Variants in NAALADL1 observed in about 807,000 individuals in gnomAD.
NAALADL1 encodes N-acetylated alpha-linked acidic dipeptidase like 1.
NAALADL1 carries 77 observed loss-of-function variants against 82.8 expected under a neutral mutation model. That is an observed-to-expected ratio of 0.93 (90% CI 0.77 to 1.12). NAALADL1 has a LOEUF of 1.12. Among genes scored for constraint, NAALADL1 ranks in the 50% most tolerant of loss-of-function variants. The probability of loss-of-function intolerance (pLI) is 0.00; values close to 1 mark genes in which losing one functional copy is unlikely to be tolerated. For missense variants in NAALADL1, 956 were observed against 964.0 expected, an observed-to-expected ratio of 0.99 and a Z score of 0.11; for synonymous variants, 358 against 399.2, an observed-to-expected ratio of 0.90 and a Z score of 1.23.
chr11:65,047,813 C>T, intron 11 of NAALADL1, 75 bp from the exon 12 acceptor site: 3 of 1,498,626 alleles, frequency 2.0e-6, no homozygotes, highest in Non-Finnish European at 1.8e-6. Context: ...CTCCACCGGT[C>T]TCCTGCCCAC....
intron 8 of NAALADL1, 138 bp from the exon 9 acceptor site, chr11:65,048,523 G>T: frequency 1.1e-6 from 1 of 924,752 alleles, no homozygotes; most frequent in Non-Finnish European, 1.7e-6. Flanking sequence ...GCACCCTGCA[G>T]CCAGGCCTTC....
At chr11:65,045,762 T>G (rs1590753522) in intron 17 of NAALADL1, 60 bp downstream of exon 17, 1 of 1,503,062 alleles carries the variant, frequency 6.7e-7, no homozygotes. Context: ...TCGTCTCAGG[T>G]GGGGAGCCAT....
Position 65,058,168 on chromosome 11 carries a change from G to A in NAALADL1, c.268C>T (p.Pro90Ser), listed in dbSNP as rs762197457. 1 of 1,613,948 alleles carries A rather than the reference G, an allele frequency of 6.2e-7. No homozygotes were observed. The highest frequency in any genetic ancestry group is 8.5e-7 in the Non-Finnish European group (1 of 1,179,962). Residue 90 changes from proline to serine, a missense_variant, in exon 2 of 18, where the codon CCA (proline) becomes TCA (serine). Pro to Ser is a moderately conservative substitution (Grantham distance 74, BLOSUM62 -1). Coordinates refer to ENST00000358658, the MANE Select transcript of NAALADL1 (RefSeq NM_005468.3). ...VQLLLQRWKD[P>S]ESGLDSAEAS... ...TCGGCCGAGTCCAGGCCTGACTCTGGGTCCTTCCAGCGCTGCAGCAGCAGC... is the reference window on the plus strand; with the variant it reads ...TCGGCCGAGTCCAGGCCTGACTCTGAGTCCTTCCAGCGCTGCAGCAGCAGC...
intron 8 of NAALADL1, among the ~76,000 whole-genome samples, chr11:65,049,220 C>T (rs1443419489): frequency 1.3e-5 from 2 of 152,240 alleles, no homozygotes; most frequent in East Asian, 3.9e-4. Flanking sequence ...GGGGTTTGTC[C>T]ATGTTGCCCA....
At chr11:65,058,036 C>T (rs777753735) in intron 2 of NAALADL1, 40 bp from the exon 3 acceptor site, 5 of 1,613,264 alleles carry the variant, frequency 3.1e-6, no homozygotes, top group Non-Finnish European at 4.2e-6. Context: ...GGCCCAGCAG[C>T]TCCCCACCCC....
chr11:65,046,983 C>G (rs1412153199), intron 13 of NAALADL1, among the ~76,000 whole-genome samples: 1 of 151,394 alleles, frequency 6.6e-6, no homozygotes, highest in African/African-American at 2.4e-5. Context: ...CCCTCCCACC[C>G]CCGCCCCTAC....
chr11:65,050,600 G>C lies in NAALADL1; in HGVS notation c.1199-2215C>G, dbSNP rs1946860583. Among the ~76,000 whole-genome samples, 3 of 151,130 alleles carry C rather than the reference G, an allele frequency of 2.0e-5. No homozygotes were observed. The South Asian group carries it at 6.3e-4, about 32-fold the overall frequency. On this transcript the variant is annotated intron_variant, in intron 8 of 17. Transcript: ENST00000358658. ...AGGTCAGGAGTTCGACACCAGCCTG[G>C]CCAACACGGTAAAACCCCATCTCTA...
At chr11:65,055,943 T>C (rs1050018581) in intron 4 of NAALADL1, among the ~76,000 whole-genome samples, 4 of 149,652 alleles carry the variant, frequency 2.7e-5, no homozygotes, top group African/African-American at 9.9e-5. Context: ...TGGAGTGCAA[T>C]GGCATGATCT....
intron 4 of NAALADL1, among the ~76,000 whole-genome samples, chr11:65,056,160 C>T (rs763517465): frequency 2.6e-5 from 4 of 152,094 alleles, no homozygotes; most frequent in Non-Finnish European, 5.9e-5. Flanking sequence ...GCTGGGATTA[C>T]AGGCATGAGC....
At chr11:65,048,529 C>T in intron 8 of NAALADL1, 144 bp from the exon 9 acceptor site, 3 of 874,504 alleles carry the variant, frequency 3.4e-6, no homozygotes, top group Non-Finnish European at 5.3e-6. Flanking sequence ...TGCAGCCAGG[C>T]CTTCCAGGAG....
chr11:65,054,211 G>A lies in NAALADL1; in HGVS notation c.992+39C>T, dbSNP rs756212917. 6.4e-7 allele frequency: 1 copy of A among 1,552,354 alleles called. No individual in the cohort carries two copies. The highest frequency in any genetic ancestry group is 1.4e-5 in the African/African-American group (1 of 73,526). The stretch of plus-strand genomic sequence containing the variant: ...GGAAGGGGAGAGGCGAGTTGGGGGA[G>A]AGGGCAACTGAGGGAGACCTGGTCT... On this transcript the variant is annotated intron_variant, in intron 6 of 17. Transcript: ENST00000358658. This position sits in a 1 kb window ranked among gnomAD's most constrained non-coding sequence, Gnocchi z 4.3.
At chr11:65,048,666 C>T (rs1018896909) in intron 8 of NAALADL1, among the ~76,000 whole-genome samples, 3 of 152,184 alleles carry the variant, frequency 2.0e-5, no homozygotes, top group African/African-American at 4.8e-5. Context: ...ACCCTCCACC[C>T]TCAACCCCCG....
rs758878384 is a variant in NAALADL1, at chr11:65,057,897, T to C, written c.458A>G (p.Tyr153Cys). The change falls in exon 3 of 18, where the codon TAT becomes TGT. Residue 153 changes from tyrosine (Y) to cysteine (C), a missense_variant. By Grantham distance (194) the Tyr-to-Cys change is radical. Coordinates refer to ENST00000358658, the MANE Select transcript of NAALADL1 (RefSeq NM_005468.3). ...GPDVVQPYAA[Y>C]APSGTPQGLL... is the part of the protein sequence containing the mutation. ...CACCTGTGGGGTTCCAGAAGGAGCA[T>C]AGGCAGCATAGGGTTGTACCACATC... 34 of 1,613,922 alleles carry C rather than the reference T, an allele frequency of 2.1e-5. No homozygotes were observed. The East Asian group carries it at 2.5e-4, about 12-fold the overall frequency.
intron 11 of NAALADL1, 71 bp downstream of exon 11, chr11:65,047,910 C>CCCCG: frequency 1.5e-6 from 2 of 1,358,312 alleles, no homozygotes; most frequent in Non-Finnish European, 2.0e-6. Flanking sequence ...CCCGCCCACC[C>CCCCG]GTAGCGGCCC....
rs575200007 is a variant in NAALADL1, at chr11:65,053,682, A to G, written c.993-106T>C. The G allele has an allele frequency of 9.1e-6, 9 of 992,766 alleles. No individual in the cohort carries two copies. The highest frequency in any genetic ancestry group is 8.2e-5 in the African/African-American group (5 of 60,970). The allele number at this position is 992,766 out of a possible 1,614,324, so 61.5% of individuals were successfully genotyped here. On this transcript the variant is annotated intron_variant, in intron 6 of 17. Transcript: ENST00000358658. The surrounding 1 kb of genome is among the most constrained non-coding windows in gnomAD (Gnocchi z 4.3). ...AGCTGGAAAGTGACGTGGCAAGGCC[A>G]TTCATTGGCCCCGAAGTACCAAGAG...
chr11:65,055,076 C>T (rs1590770138), intron 4 of NAALADL1, among the ~76,000 whole-genome samples: 1 of 152,240 alleles, frequency 6.6e-6, no homozygotes. Flanking sequence ...TGTCCATCAA[C>T]AGATGAATGG....
intron 8 of NAALADL1, among the ~76,000 whole-genome samples, chr11:65,051,203 T>G (rs1288627112): frequency 6.6e-6 from 1 of 150,584 alleles, no homozygotes; most frequent in Non-Finnish European, 1.5e-5. Flanking sequence ...GCTTGTCCAC[T>G]CCCTCCACCC....
intron 4 of NAALADL1, among the ~76,000 whole-genome samples, chr11:65,055,678 G>A (rs927675916): frequency 2.0e-5 from 3 of 152,084 alleles, no homozygotes; most frequent in South Asian, 2.1e-4. Flanking sequence ...GCAGGGACCT[G>A]GGGAGTTATT....
rs2137042103 is a variant in NAALADL1, at chr11:65,058,373, C to T, written c.149G>A (p.Gly50Glu). ...LDLEILETVM[G>E]QLDAHRIREN... ...CCGGATCCTGTGGGCATCCAGCTGC[C>T]CCATGACGGTCTCCAGGATCTCCAG... is the stretch of plus-strand genomic sequence containing the variant. The change falls in exon 1 of 18, where the codon GGG becomes GAG. Residue 50 changes from glycine to glutamate, a missense_variant. Transcript: ENST00000358658. 6.2e-7 allele frequency: 1 copy of T among 1,614,128 alleles called. No homozygotes were observed. Among genetic ancestry groups the T allele is most frequent in the South Asian group, 1.1e-5 (1 of 91,084 alleles).
Sources: allele counts gnomAD v4.1 joint callset (sites outside exome capture counted in the v4.1 genomes callset), GRCh38; gene constraint gnomAD v4.1.1; non-coding constraint Gnocchi (gnomAD v3.1); transcripts MANE v1.5; gene names NCBI Gene and HGNC (gene_info 2026-07-23, HGNC 2026-07-21).